The following XPO1 variants were observed in gnomAD, a reference collection of about 807,000 sequenced individuals.
The protein encoded by XPO1 is exportin 1, also known as exportin-1.
A neutral mutation model predicts 133.3 loss-of-function variants in XPO1; 5 were observed. That is an observed-to-expected ratio of 0.04 (90% CI 0.02 to 0.08). The LOEUF (loss-of-function observed/expected upper bound fraction) is 0.08, where lower values mean the gene tolerates loss of function less well. Among genes scored for constraint, XPO1 ranks in the 10% least tolerant of loss-of-function variants. The pLI, the probability that XPO1 is intolerant of heterozygous loss-of-function variation, is 1.00. For synonymous variants in XPO1, 419 were observed against 408.2 expected (o/e 1.03, Z -0.32); for missense variants, 506 against 1,267.5 (o/e 0.40, Z 9.12).
rs372688892 is a variant in XPO1 at position 61,498,915 on chromosome 2, TAA to T, written c.591-4_591-3del. ...ATCTGTGAGAATTCATTGCACATGC[TAA>T]AAAAAAAAACACACAAAAATATCAG... On this transcript the variant is annotated splice_polypyrimidine_tract_variant and splice_region_variant and intron_variant, in intron 7 of 24. Coordinates refer to ENST00000401558, the MANE Select transcript of XPO1 (RefSeq NM_003400.4). The T allele has an allele frequency of 3.2e-5, 39 of 1,222,376 alleles. No homozygotes were observed. The highest frequency in any genetic ancestry group is 1.6e-4 in the Admixed American group (7 of 42,476). 75.7% of individuals were successfully genotyped at this position (1,222,376 alleles called of 1,614,324 possible).
intron 4 of XPO1, among the ~76,000 whole-genome samples, chr2:61,521,004 A>G (rs1193388334): frequency 6.6e-6 from 1 of 152,242 alleles, no homozygotes; most frequent in Non-Finnish European, 1.5e-5. Context: ...TGGACCACAT[A>G]GTCAAATTGT....
intron 6 of XPO1, 35 bp from the exon 7 acceptor site, chr2:61,499,929 T>C: frequency 6.3e-7 from 1 of 1,586,022 alleles, no homozygotes; most frequent in Non-Finnish European, 8.5e-7. Context: ...TCGCACTTCA[T>C]TTCTCAAAGG....
At chr2:61,533,676 TA>T (rs745453312) in intron 2 of XPO1, 95 bp downstream of exon 2, 3 of 1,289,184 alleles carry the variant, frequency 2.3e-6, no homozygotes, top group Non-Finnish European at 3.0e-6. Flanking sequence ...AACTATGGAA[TA>T]TCTTTTTTAA....
chr2:61,490,028 T>C (rs1276158594), intron 17 of XPO1, among the ~76,000 whole-genome samples: 5 of 151,348 alleles, frequency 3.3e-5, no homozygotes, highest in South Asian at 2.1e-4. Context: ...GTAGCTGGGA[T>C]TACAGGCGCC....
chr2:61,523,416 T>C (rs1301039670), intron 3 of XPO1, among the ~76,000 whole-genome samples: 1 of 152,184 alleles, frequency 6.6e-6, no homozygotes, highest in African/African-American at 2.4e-5. Context: ...TTCAAGCCAT[T>C]TTGTCCCTCC....
At chr2:61,495,370 G>T in intron 11 of XPO1, 85 bp downstream of exon 11, 1 of 1,073,694 alleles carries the variant, frequency 9.3e-7, no homozygotes, top group Non-Finnish European at 1.3e-6. Context: ...ATCTCAAAAG[G>T]TACATACATT....
chr2:61,478,995 C>T (rs775471905), intron 24 of XPO1, 29 bp from the exon 25 acceptor site: 29 of 1,597,104 alleles, frequency 1.8e-5, no homozygotes, highest in Admixed American at 1.1e-4. Context: ...GAAATGTCAA[C>T]GCAATAAACT....
intron 16 of XPO1, among the ~76,000 whole-genome samples, chr2:61,491,402 G>T (rs1431386919): frequency 6.6e-6 from 1 of 150,558 alleles, no homozygotes; most frequent in Non-Finnish European, 1.5e-5. Context: ...AGTGAGCCGA[G>T]ATTGCGCCAC....
At chr2:61,489,876 G>A (rs1232782727) in intron 17 of XPO1, among the ~76,000 whole-genome samples, 1 of 149,946 alleles carries the variant, frequency 6.7e-6, no homozygotes, top group Non-Finnish European at 1.5e-5. Flanking sequence ...AATATCAAAT[G>A]AGAATGGAAA....
At chr2:61,491,164 A>C (rs1049297268) in intron 16 of XPO1, among the ~76,000 whole-genome samples, 6 of 151,880 alleles carry the variant, frequency 4.0e-5, no homozygotes, top group Non-Finnish European at 5.9e-5. Flanking sequence ...ACAAACAAAC[A>C]AACAACCCAA....
intron 10 of XPO1, 145 bp downstream of exon 10, chr2:61,496,733 AT>A (rs1697259698): frequency 9.6e-7 from 1 of 1,040,748 alleles, no homozygotes; most frequent in Non-Finnish European, 1.3e-6. Context: ...CATCATAAAA[AT>A]TTGTAGCTTA....
chr2:61,518,433 CA>C (rs1698517347), intron 4 of XPO1, among the ~76,000 whole-genome samples: 1 of 52,604 alleles, frequency 1.9e-5, no homozygotes, highest in South Asian at 6.9e-4. Context: ...CACACACACA[CA>C]CACACACACA....
intron 19 of XPO1, among the ~76,000 whole-genome samples, chr2:61,486,228 G>T (rs1272526937): frequency 6.6e-6 from 1 of 151,984 alleles, no homozygotes; most frequent in Non-Finnish European, 1.5e-5. Context: ...AGACCAGAGT[G>T]CAGTGGCAAA....
Position 61,502,311 on chromosome 2 carries a change from C to T in XPO1, c.302-1G>A, listed in dbSNP as rs2104531706. ...AGGCCAACAACGTATTTTTTTATTCCTATTAAAAAAATTGCACGTAATAAA... is the reference window on the plus strand; with the variant it reads ...AGGCCAACAACGTATTTTTTTATTCTTATTAAAAAAATTGCACGTAATAAA... On this transcript the variant is annotated splice_acceptor_variant, in intron 4 of 24. Coordinates refer to ENST00000401558, the MANE Select transcript of XPO1 (RefSeq NM_003400.4). LOFTEE classifies it high-confidence loss of function. The T allele has an allele frequency of 6.2e-7, 1 of 1,610,314 alleles. No homozygotes were observed. Among genetic ancestry groups the T allele is most frequent in the South Asian group, 1.1e-5 (1 of 90,004 alleles).
chr2:61,482,393 G>A lies in XPO1; in HGVS notation c.2959C>T (p.Pro987Ser). The part of the protein sequence containing the change: ...YVANLLKSAF[P>S]HLQDAQVKLF... The stretch of plus-strand genomic sequence containing the variant: ...AGGTATATTTACTCTTGTAGGTGAG[G>A]GAAGGCCGACTTAAGGAGATTAGCC... Residue 987 changes from proline to serine, a missense_variant, in exon 23 of 25, where the codon CCT (proline) becomes TCT (serine). By Grantham distance (74) the Pro-to-Ser change is moderately conservative. This residue lies in a region of XPO1 where 203 missense variants were observed against 365.9 expected (regional missense o/e 0.55). Coordinates refer to ENST00000401558, the MANE Select transcript of XPO1 (RefSeq NM_003400.4). 6.2e-7 allele frequency: 1 copy of A among 1,608,694 alleles called. No homozygotes were observed. The highest frequency in any genetic ancestry group is 8.5e-7 in the Non-Finnish European group (1 of 1,178,338).
At chr2:61,526,643 C>A in intron 2 of XPO1, 122 bp from the exon 3 acceptor site, 4 of 632,624 alleles carry the variant, frequency 6.3e-6, no homozygotes, top group South Asian at 7.2e-5. Flanking sequence ...TATTGATGTT[C>A]AGAAATACTC....
chr2:61,504,117 A>G (rs1697680471), intron 4 of XPO1, among the ~76,000 whole-genome samples: 1 of 152,234 alleles, frequency 6.6e-6, no homozygotes, highest in African/African-American at 2.4e-5. Context: ...TATTAGAAAT[A>G]CAACATTAAC....
At chr2:61,516,138 A>T (rs1435514762) in intron 4 of XPO1, among the ~76,000 whole-genome samples, 5 of 148,636 alleles carry the variant, frequency 3.4e-5, no homozygotes, top group African/African-American at 1.2e-4. Flanking sequence ...AATTAAAAAA[A>T]AACAAAACAA....
chr2:61,538,563 G>C (rs1165068919), upstream of XPO1: 1 of 152,792 alleles, frequency 6.5e-6, no homozygotes, highest in Non-Finnish European at 1.5e-5. Context: ...AAGAGGAGAG[G>C]GGTGGAGGAG....
Sources: allele counts gnomAD v4.1 joint callset (sites outside exome capture counted in the v4.1 genomes callset), GRCh38; gene constraint gnomAD v4.1.1; regional missense constraint gnomAD v4.1.1; transcripts MANE v1.5; gene names NCBI Gene and HGNC (gene_info 2026-07-23, HGNC 2026-07-21).